CBR4: variants seen among roughly 807,000 people sequenced by gnomAD.
The protein encoded by CBR4 is 3-oxoacyl-[acyl-carrier-protein] reductase.
In CBR4, 22 loss-of-function variants were observed where a neutral mutation model predicts 21.0. The observed-to-expected ratio is 1.05, with a 90% CI of 0.75 to 1.50. CBR4 has a LOEUF of 1.50. CBR4 is among the 40% of genes most tolerant of loss of function. The probability of loss-of-function intolerance (pLI) is 0.00; values close to 1 mark genes in which losing one functional copy is unlikely to be tolerated. For synonymous variants in CBR4, 100 were observed against 104.4 expected, an observed-to-expected ratio of 0.96 and a Z score of 0.26; for missense variants, 302 against 286.3, an observed-to-expected ratio of 1.05 and a Z score of -0.40.
chr4:168,932,689 G>A (rs546548638), intron 2 of CBR4, among the ~76,000 whole-genome samples: 4 of 152,120 alleles, frequency 2.6e-5, no homozygotes, highest in Non-Finnish European at 4.4e-5. Context: ...AGAGAAAAAC[G>A]TCAAGTCACA....
At chr4:168,912,122 C>T (rs1443255077) in intron 2 of CBR4, among the ~76,000 whole-genome samples, 11 of 152,170 alleles carry the variant, frequency 7.2e-5, no homozygotes, top group Admixed American at 6.5e-4. Flanking sequence ...CTAGTGCCCT[C>T]ACCCTGACCC....
In CBR4 at chr4:168,996,761, C is replaced by T. The variant is rs184133721; in HGVS notation, c.535+5310G>A. ...TTATCAGAAATTAAATAAAATTTATCAGAAATTAAATTAAAAATGTAAAGC... is the reference window on the plus strand; with the variant it reads ...TTATCAGAAATTAAATAAAATTTATTAGAAATTAAATTAAAAATGTAAAGC... On this transcript the variant is annotated intron_variant, in intron 4 of 4. Transcript: ENST00000306193. Among the ~76,000 whole-genome samples the T allele has an allele frequency of 9.3e-4, 142 of 152,114 alleles. 1 individual carries two copies. Among genetic ancestry groups the T allele is most frequent in the African/African-American group, 3.1e-3 (127 of 41,494 alleles).
downstream of CBR4, among the ~76,000 whole-genome samples, chr4:168,983,911 A>G (rs1290550370): frequency 6.6e-6 from 1 of 152,194 alleles, no homozygotes; most frequent in Non-Finnish European, 1.5e-5. Context: ...ACATACCTCA[A>G]AATAATAAAA....
chr4:168,903,834 C>T, intron 2 of CBR4: 1 of 1,612,904 alleles, frequency 6.2e-7, no homozygotes, highest in Non-Finnish European at 8.5e-7. Flanking sequence ...TCGATGGGAC[C>T]TGCTCCCTCC....
At chr4:168,894,825 C>G (rs1754768778) in intron 2 of CBR4, 1 of 1,345,984 alleles carries the variant, frequency 7.4e-7, no homozygotes, top group East Asian at 2.5e-5. Context: ...GTCAACCTCA[C>G]AGCTAATTTT....
chr4:168,963,132 G>A (rs758832513), intron 2 of CBR4, among the ~76,000 whole-genome samples: 12 of 152,238 alleles, frequency 7.9e-5, no homozygotes, highest in East Asian at 3.9e-4. Flanking sequence ...TGAAACTAAC[G>A]GAAAGGACTG....
downstream of CBR4, among the ~76,000 whole-genome samples, chr4:168,987,024 C>A (rs112165659): frequency 9.6e-4 from 146 of 152,246 alleles, 1 homozygote; most frequent in African/African-American, 3.4e-3. Flanking sequence ...ACCACTTATT[C>A]AAATTTCCAG....
intron 4 of CBR4, among the ~76,000 whole-genome samples, chr4:168,991,159 C>G (rs1764904287): frequency 6.6e-6 from 1 of 152,196 alleles, no homozygotes; most frequent in African/African-American, 2.4e-5. Flanking sequence ...ACTAAAATAT[C>G]TGACCCCCAA....
chr4:168,913,813 A>G (rs116560543), intron 2 of CBR4: 4 of 783,284 alleles, frequency 5.1e-6, no homozygotes, highest in Non-Finnish European at 9.1e-6. Flanking sequence ...CTCAAATGGC[A>G]TACTGAATTT....
chr4:169,007,640 T>C lies in CBR4; in HGVS notation c.259A>G (p.Asn87Asp). 6.4e-7 allele frequency: 1 copy of C among 1,567,382 alleles called. No homozygotes were observed. Among genetic ancestry groups the C allele is most frequent in the Middle Eastern group, 1.7e-4 (1 of 5,912 alleles). The change falls in exon 2 of 5, where the codon AAC (asparagine) becomes GAC (aspartate). Residue 87 changes from asparagine (N) to aspartate (D), a missense_variant. Physicochemically the swap from Asn to Asp is conservative, Grantham distance 23 (BLOSUM62 1). Coordinates refer to ENST00000306193, the MANE Select transcript of CBR4 (RefSeq NM_032783.5). ...VNFLVNAAGI[N>D]RDGLLVRTKT... ...TTATTTAAATCTGTGACCAACCTGTTAATACCAGCTGCATTTACCAAGAAA... is the reference window on the plus strand; with the variant it reads ...TTATTTAAATCTGTGACCAACCTGTCAATACCAGCTGCATTTACCAAGAAA...
chr4:168,923,832 G>GA (rs1206585316), intron 2 of CBR4, among the ~76,000 whole-genome samples: 1 of 152,190 alleles, frequency 6.6e-6, no homozygotes, highest in East Asian at 1.9e-4. Flanking sequence ...AAACGGCAGT[G>GA]AGGGAATCTA....
chr4:168,927,412 T>A (rs1762700356), intron 2 of CBR4: 1 of 231,764 alleles, frequency 4.3e-6, no homozygotes, highest in Non-Finnish European at 8.5e-6. Context: ...GGAGCACACA[T>A]GCTGTGGAGA....
chr4:168,951,936 G>C (rs560748036), intron 2 of CBR4, among the ~76,000 whole-genome samples: 1 of 152,274 alleles, frequency 6.6e-6, no homozygotes, highest in African/African-American at 2.4e-5. Flanking sequence ...TGTTCTTTGT[G>C]CTTCTTGTAT....
At chr4:168,964,830 T>C (rs1763970638) in intron 2 of CBR4, among the ~76,000 whole-genome samples, 1 of 152,202 alleles carries the variant, frequency 6.6e-6, no homozygotes, top group South Asian at 2.1e-4. Flanking sequence ...TAGATCACTG[T>C]GTTCAGCACT....
At position 168,989,149 on chromosome 4, in the gene CBR4, GAATT is replaced by G. The variant is rs1301245611; in HGVS notation, c.*997_*1000del. The stretch of plus-strand genomic sequence containing the variant: ...TTTATTTTTTATGCTTATTCATACA[GAATT>G]TATTACTTTCTAGAATTTTGGGATA... On this transcript the variant is annotated 3_prime_UTR_variant, in exon 5 of 5. Coordinates refer to ENST00000306193, the MANE Select transcript of CBR4 (RefSeq NM_032783.5). The G allele has an allele frequency of 1.0e-6, 1 of 966,112 alleles. No homozygotes were observed. The highest frequency in any genetic ancestry group is 1.2e-6 in the Non-Finnish European group (1 of 812,576). 59.8% of individuals were successfully genotyped at this position (966,112 alleles called of 1,614,324 possible).
intron 3 of CBR4, among the ~76,000 whole-genome samples, chr4:169,003,133 T>C (rs989523593): frequency 6.6e-6 from 1 of 152,212 alleles, no homozygotes; most frequent in Admixed American, 6.5e-5. Context: ...TTAAGAAACA[T>C]TTTATAAGTC....
At chr4:168,909,423 T>C (rs1386445497) in intron 2 of CBR4, among the ~76,000 whole-genome samples, 1 of 152,202 alleles carries the variant, frequency 6.6e-6, no homozygotes, top group African/African-American at 2.4e-5. Flanking sequence ...ACAAGCTGGA[T>C]GTTTAATACA....
intron 2 of CBR4, among the ~76,000 whole-genome samples, chr4:168,951,173 C>T (rs1249798521): frequency 1.3e-5 from 2 of 152,160 alleles, no homozygotes; most frequent in South Asian, 2.1e-4. Flanking sequence ...ATTCTCCTGC[C>T]TCAGCCTCCT....
At chr4:168,915,029 C>T (rs973153437) in intron 2 of CBR4, among the ~76,000 whole-genome samples, 11 of 152,334 alleles carry the variant, frequency 7.2e-5, no homozygotes, top group Admixed American at 2.6e-4. Context: ...CTTTGCTTCT[C>T]TTGTTGTCTG....
Sources: gnomAD v4.1 joint callset for allele counts (sites outside exome capture counted in the v4.1 genomes callset) on GRCh38, gnomAD v4.1.1 for gene constraint, MANE v1.5 for transcripts, NCBI Gene and HGNC (gene_info 2026-07-23, HGNC 2026-07-21) for gene names.